The following SMAD2 variants were observed in gnomAD, a reference collection of about 807,000 sequenced individuals.
SMAD2 encodes MAD homolog 2.
SMAD2 carries 8 observed loss-of-function variants against 64.4 expected under a neutral mutation model. That is an observed-to-expected ratio of 0.12 (90% confidence interval 0.07 to 0.22). The LOEUF is 0.22. Ranked by LOEUF, SMAD2 falls within the 10% of genes least tolerant of loss-of-function variation. The pLI, the probability that SMAD2 is intolerant of heterozygous loss-of-function variation, is 1.00. For missense variants in SMAD2, 289 were observed against 561.2 expected (o/e 0.51, Z 4.90); for synonymous variants, 203 against 195.8 (o/e 1.04, Z -0.31).
chr18:47,890,232 CTG>C (rs570433811), intron 2 of SMAD2, among the ~76,000 whole-genome samples: 173 of 152,326 alleles, frequency 1.1e-3, no homozygotes, highest in African/African-American at 3.8e-3. Flanking sequence ...CATTTATAAA[CTG>C]TATATGACAA....
rs1913048267 is a variant in SMAD2, at chr18:47,832,711, A to G, written c.*9116T>C. The G allele has an allele frequency of 6.6e-6, 1 of 152,178 alleles. No homozygotes were observed. The highest frequency in any genetic ancestry group is 2.1e-4 in the South Asian group (1 of 4,826). The allele number at this position is 152,178 out of a possible 1,614,324, so 9.4% of individuals were successfully genotyped here. ...GGAGCCTTAAAAATGTTATTTTGTT[A>G]AAAGTATATTTCAGCAAATTTCAAC... On this transcript the variant is annotated 3_prime_UTR_variant, in exon 11 of 11. Coordinates refer to ENST00000262160, the MANE Select transcript of SMAD2 (RefSeq NM_005901.6).
intron 5 of SMAD2, chr18:47,866,727 A>G (rs1461538351): frequency 1.3e-5 from 2 of 152,200 alleles, no homozygotes; most frequent in Non-Finnish European, 2.9e-5. Flanking sequence ...ATTTCTTTTA[A>G]GTGGAATAAA....
In SMAD2 at chr18:47,836,925, T is replaced by C. The variant is rs1394679422; in HGVS notation, c.*4902A>G. On this transcript the variant is annotated 3_prime_UTR_variant, in exon 11 of 11. Coordinates refer to ENST00000262160, the MANE Select transcript of SMAD2 (RefSeq NM_005901.6). ...TTGAAAAGGAAGATATAAAAAGAACTCAATAGCAGGATTCTGACTACCTCT... is the reference window on the plus strand; with the variant it reads ...TTGAAAAGGAAGATATAAAAAGAACCCAATAGCAGGATTCTGACTACCTCT... 1.4e-5 allele frequency: 3 copies of C among 211,092 alleles called. No homozygotes were observed. The highest frequency in any genetic ancestry group is 7.1e-5 in the East Asian group (1 of 14,088). The allele number at this position is 211,092 out of a possible 1,614,324, so 13.1% of individuals were successfully genotyped here.
intron 1 of SMAD2, among the ~76,000 whole-genome samples, chr18:47,920,636 G>A (rs1382268583): frequency 6.6e-6 from 1 of 152,158 alleles, no homozygotes; most frequent in African/African-American, 2.4e-5. Context: ...TTGCTATTTT[G>A]TTCTCCTTGA....
intron 1 of SMAD2, among the ~76,000 whole-genome samples, chr18:47,911,351 GAA>G (rs757456034): frequency 5.9e-5 from 7 of 118,708 alleles, no homozygotes; most frequent in Admixed American, 1.7e-4. Flanking sequence ...ACTCCATCTG[GAA>G]AAAAAAAAAA....
chr18:47,906,720 G>A (rs529526450), intron 1 of SMAD2, among the ~76,000 whole-genome samples: 24 of 152,104 alleles, frequency 1.6e-4, no homozygotes, highest in Admixed American at 2.6e-4. Context: ...GGGGAAGTTC[G>A]TCCTTGCCTT....
intron 1 of SMAD2, among the ~76,000 whole-genome samples, chr18:47,913,251 T>C (rs1319670873): frequency 1.3e-5 from 2 of 152,170 alleles, no homozygotes; most frequent in East Asian, 3.8e-4. Context: ...AAATGTTTCT[T>C]ATGAGTTAAG....
chr18:47,914,207 C>CA (rs1208358383), intron 1 of SMAD2, among the ~76,000 whole-genome samples: 3 of 152,084 alleles, frequency 2.0e-5, no homozygotes, highest in Non-Finnish European at 2.9e-5. Flanking sequence ...GTATGTATTA[C>CA]AAAAAAATCT....
chr18:47,904,592 C>T (rs531707699), intron 1 of SMAD2, among the ~76,000 whole-genome samples: 1 of 152,194 alleles, frequency 6.6e-6, no homozygotes, highest in African/African-American at 2.4e-5. Context: ...CGTACTAATA[C>T]ACAGCAAAGG....
At chr18:47,856,081 CA>C in intron 6 of SMAD2, among the ~76,000 whole-genome samples, 1 of 151,456 alleles carries the variant, frequency 6.6e-6, no homozygotes, top group East Asian at 1.9e-4. Context: ...ATCTGGAAGA[CA>C]TTATGCCAAG....
At chr18:47,884,029 C>T (rs1407200108) in intron 2 of SMAD2, among the ~76,000 whole-genome samples, 1 of 152,098 alleles carries the variant, frequency 6.6e-6, no homozygotes, top group Non-Finnish European at 1.5e-5. Flanking sequence ...AAAAACCAGC[C>T]CACAGCCCCA....
intron 2 of SMAD2, among the ~76,000 whole-genome samples, chr18:47,874,753 T>A (rs969263006): frequency 6.6e-6 from 1 of 152,112 alleles, no homozygotes; most frequent in East Asian, 1.9e-4. Context: ...CACACATACA[T>A]CATGGACAGT....
At position 47,841,033 on chromosome 18, in the gene SMAD2, C is replaced by T; in HGVS notation, c.*794G>A. The T allele has an allele frequency of 4.3e-6, 1 of 231,964 alleles. No individual in the cohort carries two copies. The highest frequency in any genetic ancestry group is 8.5e-6 in the Non-Finnish European group (1 of 117,526). The allele number at this position is 231,964 out of a possible 1,614,324, so 14.4% of individuals were successfully genotyped here. On this transcript the variant is annotated 3_prime_UTR_variant, in exon 11 of 11. Coordinates refer to ENST00000262160, the MANE Select transcript of SMAD2 (RefSeq NM_005901.6). ...GCCAGCAGTATCAATGCAACTATTA[C>T]TGGTGATGATGTCATGTTATGCTGT... is the stretch of plus-strand genomic sequence containing the variant.
intron 1 of SMAD2, among the ~76,000 whole-genome samples, chr18:47,924,003 CT>C (rs1284199616): frequency 6.6e-6 from 1 of 152,204 alleles, no homozygotes; most frequent in East Asian, 1.9e-4. Context: ...AATCCCAACA[CT>C]TTGGGAGGCC....
At chr18:47,882,041 C>CGTTTTTTTT (rs2032624892) in intron 2 of SMAD2, among the ~76,000 whole-genome samples, 1 of 38,850 alleles carries the variant, frequency 2.6e-5, no homozygotes, top group East Asian at 8.5e-4. Context: ...CCACGCTTGG[C>CGTTTTTTTT]TTTTTTTTTT....
chr18:47,871,717 G>T (rs1011900834), intron 2 of SMAD2, among the ~76,000 whole-genome samples: 1 of 152,152 alleles, frequency 6.6e-6, no homozygotes, highest in African/African-American at 2.4e-5. Flanking sequence ...GCCAGAAAAA[G>T]CCAGGTAAAT....
intron 7 of SMAD2, among the ~76,000 whole-genome samples, chr18:47,849,426 G>A (rs1426974185): frequency 6.6e-5 from 10 of 151,846 alleles, no homozygotes; most frequent in African/African-American, 2.4e-4. Flanking sequence ...AACAACCGAA[G>A]AGAAATTGTG....
Position 47,836,162 on chromosome 18 carries a change from C to A in SMAD2, c.*5665G>T, listed in dbSNP as rs984369165. 1.4e-5 allele frequency: 3 copies of A among 220,378 alleles called. No homozygotes were observed. Among genetic ancestry groups the A allele is most frequent in the African/African-American group, 4.5e-5 (2 of 44,618 alleles). The allele number at this position is 220,378 out of a possible 1,614,324, so 13.7% of individuals were successfully genotyped here. A position where few individuals can be genotyped will look rare whatever the true frequency, so the allele number is the denominator to read the frequency against. ...ATTTATATTGAGCAAAGATCTGAAT[C>A]ACCTTCAATCAGGCTGTAAGATACT... On this transcript the variant is annotated 3_prime_UTR_variant, in exon 11 of 11. Transcript: ENST00000262160.
rs573695871 is a variant in SMAD2, at chr18:47,833,309, A to G, written c.*8518T>C. 5 of 218,398 alleles carry G rather than the reference A, an allele frequency of 2.3e-5. No individual in the cohort carries two copies. The East Asian group carries it at 3.4e-4, about 15-fold the overall frequency. 13.5% of individuals were successfully genotyped at this position (218,398 alleles called of 1,614,324 possible). ...GCAGAACTTTTTTTGTACTTTAAAT[A>G]GACTAAAATATTTGGTGTAGGTGGG... is the stretch of plus-strand genomic sequence containing the variant. On this transcript the variant is annotated 3_prime_UTR_variant, in exon 11 of 11. Transcript: ENST00000262160.
Sources: gnomAD v4.1 joint callset for allele counts (sites outside exome capture counted in the v4.1 genomes callset) on GRCh38, gnomAD v4.1.1 for gene constraint, MANE v1.5 for transcripts, NCBI Gene and HGNC (gene_info 2026-07-23, HGNC 2026-07-21) for gene names.